Variants in CCT7 observed in about 807,000 individuals in gnomAD.
CCT7 encodes the protein chaperonin containing TCP1 subunit 7.
A neutral mutation model predicts 56.6 loss-of-function variants in CCT7; 16 were observed. The ratio of observed to expected loss-of-function variants is 0.28; its 90% confidence interval spans 0.19 to 0.43. The LOEUF (loss-of-function observed/expected upper bound fraction) is 0.43, where lower values mean the gene tolerates loss of function less well. Ranked by LOEUF, CCT7 falls within the 20% of genes least tolerant of loss-of-function variation. The probability of loss-of-function intolerance (pLI) is 1.00; values close to 1 mark genes in which losing one functional copy is unlikely to be tolerated. For synonymous variants in CCT7, 262 were observed against 254.8 expected (o/e 1.03, Z -0.27); for missense variants, 519 against 685.6 (o/e 0.76, Z 2.71).
intron 1 of CCT7, chr2:73,235,546 C>G: frequency 1.0e-6 from 1 of 1,002,150 alleles, no homozygotes; most frequent in Non-Finnish European, 1.2e-6. Flanking sequence ...CTTTATGTCT[C>G]TAGCATTGCT....
At chr2:73,235,319 T>C (rs1686829720) in intron 1 of CCT7, among the ~76,000 whole-genome samples, 2 of 152,186 alleles carry the variant, frequency 1.3e-5, no homozygotes, top group African/African-American at 4.8e-5. Flanking sequence ...GAGGTGGTGT[T>C]TGACCCTGAC....
intron 3 of CCT7, among the ~76,000 whole-genome samples, chr2:73,241,741 T>G (rs1687122791): frequency 6.6e-6 from 1 of 151,900 alleles, no homozygotes; most frequent in Non-Finnish European, 1.5e-5. Flanking sequence ...CCCAGTAGTT[T>G]TTTTTTTTTT....
At chr2:73,248,896 G>A in intron 7 of CCT7, 95 bp from the exon 8 acceptor site, 1 of 963,434 alleles carries the variant, frequency 1.0e-6, no homozygotes, top group Non-Finnish European at 1.6e-6. Context: ...GAATCAGCAT[G>A]TTTTATTTGG....
chr2:73,234,426 T>A, intron 1 of CCT7, 42 bp downstream of exon 1: 1 of 1,609,652 alleles, frequency 6.2e-7, no homozygotes. Flanking sequence ...AGCTGCCATC[T>A]GGCCGGTGGC....
intron 9 of CCT7, 91 bp from the exon 10 acceptor site, chr2:73,250,215 G>A (rs1687515923): frequency 1.4e-6 from 2 of 1,480,280 alleles, no homozygotes; most frequent in East Asian, 2.3e-5. Flanking sequence ...AAGAGCAGCT[G>A]CTGAGTGTTG....
In CCT7 at chr2:73,249,143, C is replaced by T; in HGVS notation, c.936C>T (p.Gly312=). ...CTGACAGGGACATGTTCTGTGCTGG[C>T]CGAGTACCTGAGGAGGATCTGAAGA... is the stretch of plus-strand genomic sequence containing the variant. The part of the protein sequence containing the change: ...YFADRDMFCA[G]RVPEEDLKRT... The change falls in exon 8 of 12, where the codon GGC becomes GGT. Residue 312 remains glycine (G), a synonymous_variant. Transcript: ENST00000258091. 6.2e-7 allele frequency: 1 copy of T among 1,613,328 alleles called. No individual in the cohort carries two copies. The highest frequency in any genetic ancestry group is 2.2e-5 in the East Asian group (1 of 44,852).
At chr2:73,238,968 G>A (rs1192556965) in intron 1 of CCT7, 1 of 152,242 alleles carries the variant, frequency 6.6e-6, no homozygotes, top group Non-Finnish European at 1.5e-5. Context: ...AAACTTCTTT[G>A]GGGTATCTGA....
rs149464764 is a variant in CCT7, at chr2:73,250,230, G to T, written c.1071-76G>T. The T allele has an allele frequency of 3.7e-4, 567 of 1,549,152 alleles. 4 individuals carry two copies. The highest frequency in any genetic ancestry group is 3.4e-3 in the South Asian group (291 of 86,098). ...AAGAGCAGCTGCTGAGTGTTGGGGG[G>T]GCTGGCAGTGAGGACAATACAGTAG... is the stretch of plus-strand genomic sequence containing the variant. On this transcript the variant is annotated intron_variant, in intron 9 of 11. Transcript: ENST00000258091.
chr2:73,234,375 C>A lies in CCT7; in HGVS notation c.-4C>A. 1.2e-6 allele frequency: 2 copies of A among 1,613,534 alleles called. No homozygotes were observed. The highest frequency in any genetic ancestry group is 1.7e-6 in the Non-Finnish European group (2 of 1,179,976). On this transcript the variant is annotated 5_prime_UTR_variant, in exon 1 of 12. Transcript: ENST00000258091. ...AGTGGCGGGCCGCTGAATAAGCTTC[C>A]AAAATGATGGTGAGTGGCGTCTCGC...
In CCT7 at chr2:73,252,806, C is replaced by T. The variant is rs776682560; in HGVS notation, c.1577C>T (p.Thr526Ile). ...GAAACCATCAAGAACCCCCGCTCGA[C>T]TGTGGATGCTCCCACAGCAGCAGGC... The part of the protein sequence containing the change: ...VDETIKNPRS[T>I]VDAPTAAGRG... The change falls in exon 12 of 12, where the codon ACT (threonine) becomes ATT (isoleucine). Residue 526 changes from threonine to isoleucine, a missense_variant. Thr to Ile is a moderately conservative substitution (Grantham distance 89). This residue lies in a region of CCT7 where 237 missense variants were observed against 300.8 expected (regional missense o/e 0.79). Transcript: ENST00000258091. 1 of 1,614,172 alleles carries T rather than the reference C, an allele frequency of 6.2e-7. No individual in the cohort carries two copies. Among genetic ancestry groups the T allele is most frequent in the South Asian group, 1.1e-5 (1 of 91,090 alleles).
At chr2:73,234,701 G>A (rs1686787793) in intron 1 of CCT7, among the ~76,000 whole-genome samples, 4 of 152,258 alleles carry the variant, frequency 2.6e-5, no homozygotes, top group African/African-American at 9.6e-5. Flanking sequence ...ATCGGGACTT[G>A]CGTGAAACGA....
rs1553379688 is a variant in CCT7 at position 73,250,473 on chromosome 2, A to G, written c.1203+35A>G. On this transcript the variant is annotated intron_variant, in intron 10 of 11. Coordinates refer to ENST00000258091, the MANE Select transcript of CCT7 (RefSeq NM_006429.4). The stretch of plus-strand genomic sequence containing the variant: ...TGATATCCTCCTGCTTGCACAGCCT[A>G]CTCTCTCCTATCTCCCTAGCTGATC... 9.9e-6 allele frequency: 16 copies of G among 1,609,840 alleles called. No homozygotes were observed. In the South Asian group the frequency reaches 1.6e-4, roughly 17 times the overall value.
intron 3 of CCT7, 40 bp downstream of exon 3, chr2:73,240,583 C>T: frequency 3.8e-6 from 5 of 1,323,428 alleles, no homozygotes; most frequent in Non-Finnish European, 4.2e-6. Context: ...GGTTGAAACA[C>T]ATGCTTGCTT....
rs1249177438 is a variant in CCT7 at position 73,252,759 on chromosome 2, G to A, written c.1530G>A (p.Ala510=). The A allele has an allele frequency of 1.9e-6, 3 of 1,614,090 alleles. No individual in the cohort carries two copies. The highest frequency in any genetic ancestry group is 2.5e-6 in the Non-Finnish European group (3 of 1,179,996). Reference sequence around the variant, plus strand: ...CGCTGACAGCAGCCTCTGAGGCTGCGTGCCTGATCGTGTCTGTAGATGAAA... The same window carrying A: ...CGCTGACAGCAGCCTCTGAGGCTGCATGCCTGATCGTGTCTGTAGATGAAA... ...INALTAASEA[A]CLIVSVDETI... is the part of the protein sequence containing the mutation. The change falls in exon 12 of 12, where the codon GCG becomes GCA. Residue 510 remains alanine (A), a synonymous_variant. Transcript: ENST00000258091.
At position 73,239,918 on chromosome 2, in the gene CCT7, A is replaced by T. The variant is rs1444496948; in HGVS notation, c.160+122A>T. 6.0e-6 allele frequency: 5 copies of T among 827,474 alleles called. No homozygotes were observed. The East Asian group carries it at 1.3e-4, about 22-fold the overall frequency. 51.3% of individuals were successfully genotyped at this position (827,474 alleles called of 1,614,324 possible). On this transcript the variant is annotated intron_variant, in intron 2 of 11. Coordinates refer to ENST00000258091, the MANE Select transcript of CCT7 (RefSeq NM_006429.4). ...TTTTAAGATCGTTGAAAGATGACTCACTCTGAAGCAGTTCCAATTCTTATA... is the reference window on the plus strand; with the variant it reads ...TTTTAAGATCGTTGAAAGATGACTCTCTCTGAAGCAGTTCCAATTCTTATA...
intron 11 of CCT7, among the ~76,000 whole-genome samples, chr2:73,252,024 A>G (rs1460101638): frequency 7.1e-6 from 1 of 140,032 alleles, no homozygotes; most frequent in Non-Finnish European, 1.6e-5. Flanking sequence ...TACTGACCAC[A>G]TGGAGTGGGC....
Position 73,251,237 on chromosome 2 carries a change from G to A in CCT7, c.1215G>A (p.Val405=). 1.9e-6 allele frequency: 3 copies of A among 1,614,136 alleles called. No homozygotes were observed. Among genetic ancestry groups the A allele is most frequent in the Non-Finnish European group, 2.5e-6 (3 of 1,180,008 alleles). ...TCTGATCTCTGCAGAATGATTCAGT[G>A]GTGGCTGGTGGCGGGGCCATTGAGA... ...IVRRAIKNDS[V]VAGGGAIEME... Residue 405 remains valine, a synonymous_variant, in exon 11 of 12, where the codon GTG becomes GTA. Coordinates refer to ENST00000258091, the MANE Select transcript of CCT7 (RefSeq NM_006429.4).
chr2:73,240,619 T>A lies in CCT7; in HGVS notation c.267+76T>A, dbSNP rs1687065161. ...GCTCCTTAGTTCTCCTCTATTAAATTTTTTTAAGATTTTATATAATTATAA... is the reference window on the plus strand; with the variant it reads ...GCTCCTTAGTTCTCCTCTATTAAATATTTTTAAGATTTTATATAATTATAA... On this transcript the variant is annotated intron_variant, in intron 3 of 11. Transcript: ENST00000258091. 5.6e-6 allele frequency: 4 copies of A among 716,404 alleles called. No individual in the cohort carries two copies. In the Admixed American group the frequency reaches 1.1e-4, roughly 19 times the overall value. 44.4% of individuals were successfully genotyped at this position (716,404 alleles called of 1,614,324 possible).
rs187709787 is a variant in CCT7, at chr2:73,249,645, G to A, written c.973-174G>A. Among the ~76,000 whole-genome samples, 4 of 147,526 alleles carry A rather than the reference G, an allele frequency of 2.7e-5. No individual in the cohort carries two copies. In the Admixed American group the frequency reaches 2.7e-4, roughly 10 times the overall value. On this transcript the variant is annotated intron_variant, in intron 8 of 11. Transcript: ENST00000258091. ...CTTTGATGTGTTTTAGTTCTATTTT[G>A]TTTTTTTTTTGCTCTTTCAGAGAGG... is the stretch of plus-strand genomic sequence containing the variant.
Sources: gnomAD v4.1 joint callset for allele counts (sites outside exome capture counted in the v4.1 genomes callset) on GRCh38, gnomAD v4.1.1 for gene constraint, gnomAD v4.1.1 regional missense constraint, MANE v1.5 for transcripts, NCBI Gene and HGNC (gene_info 2026-07-23, HGNC 2026-07-21) for gene names.